The following NFX1 variants were observed in gnomAD, a reference collection of about 807,000 sequenced individuals.
NFX1 encodes nuclear transcription factor, X-box binding 1.
In NFX1, 69 loss-of-function variants were observed where a neutral mutation model predicts 137.2. That is an observed-to-expected ratio of 0.50 (90% confidence interval 0.41 to 0.61). NFX1 has a LOEUF of 0.61. Among genes scored for constraint, NFX1 ranks in the 20% least tolerant of loss-of-function variants. NFX1 has a pLI of 0.00. For missense variants in NFX1, 1,167 were observed against 1,391.0 expected (o/e 0.84, Z 2.56); for synonymous variants, 495 against 474.1 (o/e 1.04, Z -0.57).
chr9:33,347,277 A>G (rs1478123008), intron 15 of NFX1, among the ~76,000 whole-genome samples, 160 bp downstream of exon 15: 1 of 152,238 alleles, frequency 6.6e-6, no homozygotes. Flanking sequence ...TGCATACAAC[A>G]GAATTTACCC....
At chr9:33,358,415 C>T (rs1249387421) in intron 19 of NFX1, among the ~76,000 whole-genome samples, 2 of 151,978 alleles carry the variant, frequency 1.3e-5, no homozygotes, top group Non-Finnish European at 2.9e-5. Context: ...TGAGCCACTG[C>T]GCCTGGCCAA....
Position 33,342,962 on chromosome 9 carries a change from C to T in NFX1, c.2224+108C>T, listed in dbSNP as rs1016195232. On this transcript the variant is annotated intron_variant, in intron 13 of 23. Coordinates refer to ENST00000379540, the MANE Select transcript of NFX1 (RefSeq NM_002504.6). ...GAATTGTATGGATTCTTGAACTAAG[C>T]CTTCGTATTTCCAATATGTTGAGAC... 20 of 720,940 alleles carry T rather than the reference C, an allele frequency of 2.8e-5. No homozygotes were observed. The African/African-American group carries it at 2.9e-4, about 10-fold the overall frequency. The allele number at this position is 720,940 out of a possible 1,614,324, so 44.7% of individuals were successfully genotyped here.
At chr9:33,335,711 C>T (rs1234576391) in intron 11 of NFX1, among the ~76,000 whole-genome samples, 1 of 152,154 alleles carries the variant, frequency 6.6e-6, no homozygotes, top group Non-Finnish European at 1.5e-5. Context: ...ACTCCCCACT[C>T]AGTCCTCCCC....
rs923404156 is a variant in NFX1 at position 33,364,897 on chromosome 9, T to G, written c.3039+123T>G. ...TTGTAGGAAAAAGTCACAACTTCTTTGAGGATCCTTATCTTTCTCAAAACA... is the reference window on the plus strand; with the variant it reads ...TTGTAGGAAAAAGTCACAACTTCTTGGAGGATCCTTATCTTTCTCAAAACA... On this transcript the variant is annotated intron_variant, in intron 21 of 23. Coordinates refer to ENST00000379540, the MANE Select transcript of NFX1 (RefSeq NM_002504.6). 2.7e-6 allele frequency: 4 copies of G among 1,507,022 alleles called. No homozygotes were observed. The African/African-American group carries it at 5.6e-5, about 21-fold the overall frequency. 93.4% of individuals were successfully genotyped at this position (1,507,022 alleles called of 1,614,324 possible). A position where few individuals can be genotyped will look rare whatever the true frequency, so the allele number is the denominator to read the frequency against.
intron 4 of NFX1, among the ~76,000 whole-genome samples, chr9:33,305,052 C>T (rs752313027): frequency 2.0e-5 from 3 of 152,228 alleles, no homozygotes; most frequent in Non-Finnish European, 4.4e-5. Flanking sequence ...TTGCCCCACA[C>T]TGTTCTTCCA....
At chr9:33,345,386 A>G (rs1012910272) in intron 14 of NFX1, among the ~76,000 whole-genome samples, 40 of 151,592 alleles carry the variant, frequency 2.6e-4, no homozygotes, top group Non-Finnish European at 4.7e-4. Context: ...CTGAGGCAAG[A>G]GAATCACTTG....
At chr9:33,346,972 G>T in intron 14 of NFX1, 66 bp from the exon 15 acceptor site, 1 of 1,247,058 alleles carries the variant, frequency 8.0e-7, no homozygotes, top group Non-Finnish European at 1.1e-6. Flanking sequence ...CCACTTATAT[G>T]ATGTATAATG....
At chr9:33,311,399 G>A (rs1821954678) in intron 6 of NFX1, among the ~76,000 whole-genome samples, 3 of 152,166 alleles carry the variant, frequency 2.0e-5, no homozygotes, top group Non-Finnish European at 2.9e-5. Context: ...GGCAACTTGA[G>A]AGACCAAATG....
At chr9:33,332,605 G>A (rs749297726) in intron 11 of NFX1, 103 bp downstream of exon 11, 6 of 756,498 alleles carry the variant, frequency 7.9e-6, no homozygotes, top group South Asian at 1.9e-5. Context: ...TTCAGTGAAG[G>A]CATACTTAAG....
chr9:33,328,624 T>C lies in NFX1; in HGVS notation c.1950T>C (p.Cys650=). The change falls in exon 10 of 24, where the codon TGT becomes TGC. Residue 650 remains cysteine, a synonymous_variant. Coordinates refer to ENST00000379540, the MANE Select transcript of NFX1 (RefSeq NM_002504.6). ...TCEKLCHEGD[C]GPCSRTSVIS... ...AAAAGCTCTGCCATGAAGGAGACTG[T>C]GGACCATGCTCTCGCACATCAGTTA... 1.2e-6 allele frequency: 2 copies of C among 1,612,824 alleles called. No individual in the cohort carries two copies.
intron 5 of NFX1, among the ~76,000 whole-genome samples, chr9:33,310,024 A>G (rs1821908515): frequency 6.6e-6 from 1 of 152,232 alleles, no homozygotes; most frequent in African/African-American, 2.4e-5. Flanking sequence ...ACTCATCTTT[A>G]AAGAAACATG....
Position 33,311,150 on chromosome 9 carries a change from C to T in NFX1, c.1421C>T (p.Thr474Ile), listed in dbSNP as rs764183625. 1.9e-6 allele frequency: 3 copies of T among 1,613,888 alleles called. No individual in the cohort carries two copies. In the Admixed American group the frequency reaches 5.0e-5, roughly 27 times the overall value. The change falls in exon 6 of 24, where the codon ACA becomes ATA. Residue 474 changes from threonine (T) to isoleucine (I), a missense_variant. Around this residue, in one of 3 missense-constraint regions of NFX1, gnomAD observed 488 missense variants for 691.5 expected, o/e 0.71. Coordinates refer to ENST00000379540, the MANE Select transcript of NFX1 (RefSeq NM_002504.6). ...GPCPPCPAFM[T>I]KTCECGRTRH... is the part of the protein sequence containing the mutation. Reference sequence around the variant, plus strand: ...TGCCCACCCTGCCCTGCCTTTATGACAAAAACATGTGAATGTGGACGAACC... The same window carrying T: ...TGCCCACCCTGCCCTGCCTTTATGATAAAAACATGTGAATGTGGACGAACC...
intron 5 of NFX1, among the ~76,000 whole-genome samples, chr9:33,307,949 G>T (rs551681643): frequency 6.6e-6 from 1 of 151,814 alleles, no homozygotes; most frequent in Admixed American, 6.6e-5. Flanking sequence ...GACTACAGGC[G>T]TGTGCCACCA....
At chr9:33,309,154 G>A (rs182514494) in intron 5 of NFX1, among the ~76,000 whole-genome samples, 40 of 152,226 alleles carry the variant, frequency 2.6e-4, no homozygotes, top group Non-Finnish European at 2.8e-4. Flanking sequence ...CCAGGAGATC[G>A]AGACCATCCT....
At chr9:33,302,785 T>C (rs1305285048) in intron 3 of NFX1, among the ~76,000 whole-genome samples, 1 of 151,878 alleles carries the variant, frequency 6.6e-6, no homozygotes, top group African/African-American at 2.4e-5. Context: ...TTCTTCTGCC[T>C]CAGCCTCCTG....
At chr9:33,315,291 C>T (rs1250465246) in intron 7 of NFX1, among the ~76,000 whole-genome samples, 1 of 150,898 alleles carries the variant, frequency 6.6e-6, no homozygotes, top group African/African-American at 2.4e-5. Context: ...CCCCTTTTTG[C>T]TCTCCAGAGT....
Position 33,301,424 on chromosome 9 carries a change from C to A in NFX1, c.1192+3C>A. 1 of 1,613,108 alleles carries A rather than the reference C, an allele frequency of 6.2e-7. No individual in the cohort carries two copies. Among genetic ancestry groups the A allele is most frequent in the South Asian group, 1.1e-5 (1 of 90,774 alleles). On this transcript the variant is annotated splice_donor_region_variant and intron_variant, in intron 3 of 23. Transcript: ENST00000379540. ...AAGGTCTCCAGCATCTCAAGCAGGT[C>A]AATTAATTCTCTCTTCTGAGTAGTT...
rs1020225318 is a variant in NFX1, at chr9:33,369,074, C to T, written c.3291-832C>T. On this transcript the variant is annotated intron_variant, in intron 23 of 23. Transcript: ENST00000379540. ...CCCATGCTATCTTTTTTCTTTTTTT[C>T]TTTTTTTTTGAGATGGAGTCTCGCT... is the stretch of plus-strand genomic sequence containing the variant. Among the ~76,000 whole-genome samples, 18 of 150,638 alleles carry T rather than the reference C, an allele frequency of 1.2e-4. No individual in the cohort carries two copies. The East Asian group carries it at 3.1e-3, about 26-fold the overall frequency.
Position 33,361,979 on chromosome 9 carries a change from C to T in NFX1, c.2874-2031C>T, listed in dbSNP as rs56293644. Among the ~76,000 whole-genome samples, 582 of 151,644 alleles carry T rather than the reference C, an allele frequency of 3.8e-3. 4 individuals carry two copies. The highest frequency in any genetic ancestry group is 6.9e-3 in the Non-Finnish European group (468 of 67,878). ...CTCTACAAAAAATACAAAAATTAGC[C>T]GGGCATGGTGGCACACTTGTAGTGC... On this transcript the variant is annotated intron_variant, in intron 19 of 23. Coordinates refer to ENST00000379540, the MANE Select transcript of NFX1 (RefSeq NM_002504.6).
Sources: gnomAD v4.1 joint callset for allele counts (sites outside exome capture counted in the v4.1 genomes callset) on GRCh38, gnomAD v4.1.1 for gene constraint, gnomAD v4.1.1 regional missense constraint, MANE v1.5 for transcripts, NCBI Gene and HGNC (gene_info 2026-07-23, HGNC 2026-07-21) for gene names.